Variants in MAPK8IP3 observed in about 807,000 individuals in gnomAD.
MAPK8IP3 encodes mitogen-activated protein kinase 8 interacting protein 3.
A neutral mutation model predicts 157.8 loss-of-function variants in MAPK8IP3; 49 were observed. The ratio of observed to expected loss-of-function variants is 0.31; its 90% CI spans 0.25 to 0.39. The LOEUF (loss-of-function observed/expected upper bound fraction) is 0.39, where lower values mean the gene tolerates loss of function less well. Among genes scored for constraint, MAPK8IP3 ranks in the 10% least tolerant of loss-of-function variants. The pLI is 1.00. For synonymous variants in MAPK8IP3, 897 were observed against 777.7 expected (o/e 1.15, Z -2.55); for missense variants, 1,478 against 1,889.4 (o/e 0.78, Z 4.04).
intron 4 of MAPK8IP3, among the ~76,000 whole-genome samples, chr16:1,734,363 G>A (rs535099889): frequency 4.2e-4 from 64 of 152,340 alleles, no homozygotes; most frequent in African/African-American, 1.3e-3. Flanking sequence ...ACCAGCGCAC[G>A]GAATCGGTCA....
rs1324122631 is a variant in MAPK8IP3, at chr16:1,748,311, G to A, written c.1062G>A (p.Met354Ile). Reference sequence around the variant, plus strand: ...TTGACTCCACGCCAGAGCTGGACATGTGTCCAGAGACCCGCCTGGACCGCA... The same window carrying A: ...TTGACTCCACGCCAGAGCTGGACATATGTCCAGAGACCCGCCTGGACCGCA... ...DIIDSTPELD[M>I]CPETRLDRTG... The change falls in exon 7 of 32, where the codon ATG (methionine) becomes ATA (isoleucine). Residue 354 changes from methionine (M) to isoleucine (I), a missense_variant. Met to Ile is a conservative substitution (Grantham distance 10). Coordinates refer to ENST00000610761, the MANE Select transcript of MAPK8IP3 (RefSeq NM_001318852.2). The A allele has an allele frequency of 6.2e-7, 1 of 1,613,942 alleles. No homozygotes were observed. The highest frequency in any genetic ancestry group is 8.5e-7 in the Non-Finnish European group (1 of 1,180,008).
At chr16:1,738,220 G>C (rs1307380033) in intron 4 of MAPK8IP3, among the ~76,000 whole-genome samples, 2 of 89,604 alleles carry the variant, frequency 2.2e-5, no homozygotes, top group Non-Finnish European at 4.3e-5. Flanking sequence ...GTGACCATCC[G>C]TGTGAGAGTG....
Position 1,728,583 on chromosome 16 carries a change from G to A in MAPK8IP3, c.440-555G>A, listed in dbSNP as rs575827347. ...ACAGGGCACACACAGCAGCCCCCCA[G>A]ACGGCCTTCACAGAGCTGAGTGTTC... On this transcript the variant is annotated intron_variant, in intron 2 of 31. Coordinates refer to ENST00000610761, the MANE Select transcript of MAPK8IP3 (RefSeq NM_001318852.2). 7.5e-5 allele frequency among the ~76,000 whole-genome samples: 11 copies of A among 146,694 alleles called. No homozygotes were observed. The South Asian group carries it at 1.5e-3, about 19-fold the overall frequency.
At chr16:1,746,619 C>A in intron 5 of MAPK8IP3, 1 of 206,052 alleles carries the variant, frequency 4.9e-6, no homozygotes, top group South Asian at 8.7e-5. Context: ...GGCGGCACAG[C>A]CAGCCCTTCT....
chr16:1,762,119 G>A (rs934475638), intron 13 of MAPK8IP3, among the ~76,000 whole-genome samples: 2 of 152,356 alleles, frequency 1.3e-5, no homozygotes, highest in South Asian at 4.1e-4. Flanking sequence ...CCCTTGGGCA[G>A]GACCACAGCC....
At chr16:1,763,600 G>T in intron 16 of MAPK8IP3, 57 bp from the exon 17 acceptor site, 1 of 1,447,562 alleles carries the variant, frequency 6.9e-7, no homozygotes, top group Non-Finnish European at 9.2e-7. Flanking sequence ...CAAGCCTGGG[G>T]CACTGTGGGG....
chr16:1,732,016 G>A (rs539164653), intron 4 of MAPK8IP3, among the ~76,000 whole-genome samples: 13 of 152,282 alleles, frequency 8.5e-5, no homozygotes, highest in South Asian at 4.1e-4. Context: ...GTTCCTCTCC[G>A]TTTTCTGTGC....
Position 1,729,444 on chromosome 16 carries a change from GC to G in MAPK8IP3, c.511-37del, listed in dbSNP as rs749111780. 7.9e-6 allele frequency: 12 copies of G among 1,517,158 alleles called. No individual in the cohort carries two copies. In the Admixed American group the frequency reaches 2.0e-4, roughly 25 times the overall value. 94.0% of individuals were successfully genotyped at this position (1,517,158 alleles called of 1,614,324 possible). A position where few individuals can be genotyped will look rare whatever the true frequency, so the allele number is the denominator to read the frequency against. On this transcript the variant is annotated intron_variant, in intron 3 of 31. Coordinates refer to ENST00000610761, the MANE Select transcript of MAPK8IP3 (RefSeq NM_001318852.2). ...TCACAGGTTAGAGGGGACGGAGACA[GC>G]CCCCCACGGCAGCGCTAATGCAGGC...
At position 1,739,911 on chromosome 16, in the gene MAPK8IP3, C is replaced by T. The variant is rs557253185; in HGVS notation, c.603-3421C>T. Among the ~76,000 whole-genome samples the T allele has an allele frequency of 1.3e-3, 134 of 106,692 alleles. 1 individual carries two copies. The highest frequency in any genetic ancestry group is 2.2e-3 in the Non-Finnish European group (121 of 54,720). 70.0% of individuals were successfully genotyped at this position (106,692 alleles called of 152,430 possible). A position where few individuals can be genotyped will look rare whatever the true frequency, so the allele number is the denominator to read the frequency against. Reference sequence around the variant, plus strand: ...CCGTCCGTGTGAGCATCCCTGTGACCGTCCGTGTGAGCTTCCGTGTGACTG... The same window carrying T: ...CCGTCCGTGTGAGCATCCCTGTGACTGTCCGTGTGAGCTTCCGTGTGACTG... On this transcript the variant is annotated intron_variant, in intron 4 of 31. Transcript: ENST00000610761.
chr16:1,762,809 C>G, intron 15 of MAPK8IP3, 27 bp from the exon 16 acceptor site: 1 of 1,608,168 alleles, frequency 6.2e-7, no homozygotes, highest in Non-Finnish European at 8.5e-7. Flanking sequence ...CCTCTGCCCA[C>G]CCCTCACCTC....
At chr16:1,720,104 C>T (rs1409446139) in intron 1 of MAPK8IP3, among the ~76,000 whole-genome samples, 3 of 152,172 alleles carry the variant, frequency 2.0e-5, no homozygotes, top group Non-Finnish European at 2.9e-5. Flanking sequence ...AGTGCAATGG[C>T]GCAATCTTGG....
Position 1,766,738 on chromosome 16 carries a change from G to T in MAPK8IP3, c.2955G>T (p.Ser985=). Residue 985 remains serine (S), a synonymous_variant, in exon 24 of 32, where the codon TCG becomes TCT. Coordinates refer to ENST00000610761, the MANE Select transcript of MAPK8IP3 (RefSeq NM_001318852.2). ...CCTTCCCTAGGCTCTATGTGCACTC[G>T]GCTGTGGCCAACTGGAAGAAGTGCC... ...GAQNGWLYVH[S]AVANWKKCLH... 1 of 1,612,822 alleles carries T rather than the reference G, an allele frequency of 6.2e-7. No homozygotes were observed. Among genetic ancestry groups the T allele is most frequent in the Non-Finnish European group, 8.5e-7 (1 of 1,179,916 alleles).
chr16:1,769,167 T>G lies in MAPK8IP3; in HGVS notation c.*343T>G. The stretch of plus-strand genomic sequence containing the variant: ...CCTGGCTCTACCCTGGGCCTCCTAC[T>G]CCCCAGCACCCCTGGAGGAGGCAGG... On this transcript the variant is annotated 3_prime_UTR_variant, in exon 32 of 32. Transcript: ENST00000610761. 8 of 292,558 alleles carry G rather than the reference T, an allele frequency of 2.7e-5. No homozygotes were observed. Among genetic ancestry groups the G allele is most frequent in the South Asian group, 3.6e-5 (1 of 27,398 alleles). 18.1% of individuals were successfully genotyped at this position (292,558 alleles called of 1,614,324 possible). A position where few individuals can be genotyped will look rare whatever the true frequency, so the allele number is the denominator to read the frequency against.
At chr16:1,763,120 C>T (rs2042048999) in intron 16 of MAPK8IP3, 114 bp downstream of exon 16, 3 of 1,388,234 alleles carry the variant, frequency 2.2e-6, no homozygotes, top group Admixed American at 1.9e-5. Flanking sequence ...CTCCACCTTG[C>T]TGGCCACATG....
At chr16:1,725,922 C>T (rs2038848089) in intron 2 of MAPK8IP3, among the ~76,000 whole-genome samples, 1 of 152,180 alleles carries the variant, frequency 6.6e-6, no homozygotes, top group Non-Finnish European at 1.5e-5. Context: ...TGGTCTCGAT[C>T]TTCTGACCTC....
intron 2 of MAPK8IP3, among the ~76,000 whole-genome samples, chr16:1,725,598 G>C (rs1177680458): frequency 6.6e-6 from 1 of 151,756 alleles, no homozygotes; most frequent in Non-Finnish European, 1.5e-5. Flanking sequence ...CTGCACTCTA[G>C]CCTGGGCGAC....
intron 4 of MAPK8IP3, among the ~76,000 whole-genome samples, chr16:1,740,585 C>G (rs1229533989): frequency 6.6e-6 from 1 of 152,224 alleles, no homozygotes; most frequent in Non-Finnish European, 1.5e-5. Flanking sequence ...TGCTGACCAT[C>G]CATGTGGCGT....
intron 2 of MAPK8IP3, among the ~76,000 whole-genome samples, chr16:1,725,875 T>C (rs1311972777): frequency 1.3e-5 from 2 of 151,992 alleles, no homozygotes; most frequent in East Asian, 2.0e-4. Context: ...TTTTTTGTAT[T>C]TTTAGTAGAG....
chr16:1,760,449 G>A lies in MAPK8IP3; in HGVS notation c.1374G>A (p.Val458=). 6.2e-7 allele frequency: 1 copy of A among 1,614,012 alleles called. No individual in the cohort carries two copies. The highest frequency in any genetic ancestry group is 8.5e-7 in the Non-Finnish European group (1 of 1,179,948). Residue 458 remains valine, a synonymous_variant, in exon 12 of 32, where the codon GTG becomes GTA. Coordinates refer to ENST00000610761, the MANE Select transcript of MAPK8IP3 (RefSeq NM_001318852.2). ...KVDQLSGEQE[V]LRGELEAAKQ... ...ACCAGCTGTCCGGGGAGCAGGAGGT[G>A]CTGAGGGGCGAGTTGGAGGCTGCTA...
Sources: allele counts gnomAD v4.1 joint callset (sites outside exome capture counted in the v4.1 genomes callset), GRCh38; gene constraint gnomAD v4.1.1; transcripts MANE v1.5; gene names NCBI Gene and HGNC (gene_info 2026-07-23, HGNC 2026-07-21).